The following PRKN variants were observed in gnomAD, a reference collection of about 807,000 sequenced individuals.
PRKN encodes parkin RBR E3 ubiquitin protein ligase.
Under a neutral mutation model 59.5 loss-of-function variants are expected in PRKN, and 56 were observed. That is an observed-to-expected ratio of 0.94 (90% CI 0.76 to 1.18). PRKN has a LOEUF of 1.18. PRKN is among the 50% of genes most tolerant of loss of function. The pLI is 0.00. For missense variants in PRKN, 657 were observed against 596.4 expected (o/e 1.10, Z -1.06); for synonymous variants, 250 against 222.1 (o/e 1.13, Z -1.12).
At chr6:162,458,255 CAAAAAA>C (rs34337589) in intron 1 of PRKN, among the ~76,000 whole-genome samples, 1 of 65,574 alleles carries the variant, frequency 1.5e-5, no homozygotes, top group African/African-American at 6.3e-5. Flanking sequence ...GACTCTATCT[CAAAAAA>C]AAAAAAAAAA....
At chr6:162,384,565 G>A (rs1786678886) in intron 2 of PRKN, among the ~76,000 whole-genome samples, 1 of 149,298 alleles carries the variant, frequency 6.7e-6, no homozygotes, top group South Asian at 2.2e-4. Context: ...AAATGATAGA[G>A]ATAGAGTGAG....
intron 4 of PRKN, among the ~76,000 whole-genome samples, chr6:162,105,906 G>C (rs1780173957): frequency 6.6e-6 from 1 of 152,128 alleles, no homozygotes; most frequent in East Asian, 1.9e-4. Flanking sequence ...ATTAGTACAG[G>C]CTGAGAAACA....
intron 2 of PRKN, among the ~76,000 whole-genome samples, chr6:162,306,251 G>A (rs1050088431): frequency 6.6e-6 from 1 of 152,094 alleles, no homozygotes; most frequent in African/African-American, 2.4e-5. Context: ...TGAGGGTGTC[G>A]GGTAATTTGG....
At chr6:161,822,066 A>C (rs1393601573) in intron 6 of PRKN, among the ~76,000 whole-genome samples, 1 of 151,920 alleles carries the variant, frequency 6.6e-6, no homozygotes, top group Non-Finnish European at 1.5e-5. Flanking sequence ...TGACATTTCT[A>C]TTGATAATGG....
chr6:162,114,294 A>G (rs1357183297), intron 4 of PRKN, among the ~76,000 whole-genome samples: 1 of 151,850 alleles, frequency 6.6e-6, no homozygotes, highest in East Asian at 1.9e-4. Context: ...GAATCTGTAA[A>G]TTACCTTGGG....
At chr6:161,822,299 A>G (rs1381931566) in intron 6 of PRKN, among the ~76,000 whole-genome samples, 1 of 152,238 alleles carries the variant, frequency 6.6e-6, no homozygotes, top group Non-Finnish European at 1.5e-5. Context: ...AAGTGATTTT[A>G]AAGGAAAAGT....
At chr6:161,931,626 T>C (rs6917764) in intron 6 of PRKN, among the ~76,000 whole-genome samples, 82,023 of 151,982 alleles carry the variant, frequency 0.54, 22,159 homozygotes, top group Middle Eastern at 0.66. Flanking sequence ...CAACAAAAAT[T>C]GTCCTGAGAA....
chr6:162,544,072 CT>C (rs1303911630), intron 1 of PRKN, among the ~76,000 whole-genome samples: 1 of 152,056 alleles, frequency 6.6e-6, no homozygotes, highest in Admixed American at 6.5e-5. Context: ...GGATTTGTAC[CT>C]TCTGTGAATG....
At chr6:162,710,295 C>T (rs936456366) in intron 1 of PRKN, among the ~76,000 whole-genome samples, 2 of 150,978 alleles carry the variant, frequency 1.3e-5, no homozygotes, top group Non-Finnish European at 2.9e-5. Flanking sequence ...AACTCAGCTG[C>T]TTTAAGGAGA....
intron 1 of PRKN, among the ~76,000 whole-genome samples, chr6:162,581,448 T>A (rs13204013): frequency 0.1 from 15,586 of 152,292 alleles, 942 homozygotes; most frequent in Middle Eastern, 0.19. Flanking sequence ...AATTTGTAGA[T>A]CTTCATATAC....
rs1313114908 is a variant in PRKN at position 162,320,450 on chromosome 6, G to A, written c.172-57685C>T. 5.3e-4 allele frequency among the ~76,000 whole-genome samples: 21 copies of A among 39,620 alleles called. No individual in the cohort carries two copies. The South Asian group carries it at 5.5e-3, about 10-fold the overall frequency. The allele number at this position is 39,620 out of a possible 152,430, so 26.0% of individuals were successfully genotyped here. A position where few individuals can be genotyped will look rare whatever the true frequency, so the allele number is the denominator to read the frequency against. On this transcript the variant is annotated intron_variant, in intron 2 of 11. Transcript: ENST00000366898. ...AAAAAAAAACCCCACAAAATTTCAA[G>A]ATACTTCACCAAAAAAAAAAATATA...
At position 162,011,601 on chromosome 6, in the gene PRKN, T is replaced by C. The variant is rs933083042; in HGVS notation, c.619-38184A>G. ...TCTATTTTACTTTGTTTTGCAGTGC[T>C]ATGAATAATTGACAGATGACTAAAA... is the stretch of plus-strand genomic sequence containing the variant. On this transcript the variant is annotated intron_variant, in intron 5 of 11. Coordinates refer to ENST00000366898, the MANE Select transcript of PRKN (RefSeq NM_004562.3). 4.1e-5 allele frequency among the ~76,000 whole-genome samples: 6 copies of C among 144,594 alleles called. No individual in the cohort carries two copies. The East Asian group carries it at 1.2e-3, about 29-fold the overall frequency. The allele number at this position is 144,594 out of a possible 152,430, so 94.9% of individuals were successfully genotyped here. A position where few individuals can be genotyped will look rare whatever the true frequency, so the allele number is the denominator to read the frequency against.
chr6:161,953,297 G>C (rs981656493), intron 6 of PRKN, among the ~76,000 whole-genome samples: 1 of 152,034 alleles, frequency 6.6e-6, no homozygotes, highest in Non-Finnish European at 1.5e-5. Context: ...TTTTAATAAA[G>C]ACGGGGTTTC....
At chr6:161,954,599 G>T (rs1026298138) in intron 6 of PRKN, among the ~76,000 whole-genome samples, 8 of 152,116 alleles carry the variant, frequency 5.3e-5, no homozygotes, top group Admixed American at 2.0e-4. Context: ...GTTTTATTAA[G>T]GAACTGCAAA....
At chr6:162,518,193 T>G (rs1199447352) in intron 1 of PRKN, among the ~76,000 whole-genome samples, 1 of 152,160 alleles carries the variant, frequency 6.6e-6, no homozygotes, top group Non-Finnish European at 1.5e-5. Flanking sequence ...ACATAAAAAT[T>G]ACAAGAATTT....
chr6:162,697,947 G>A (rs1778025393), intron 1 of PRKN, among the ~76,000 whole-genome samples: 3 of 152,130 alleles, frequency 2.0e-5, no homozygotes, highest in Non-Finnish European at 4.4e-5. Flanking sequence ...GACCTCAGGA[G>A]GTATGGAGAA....
At chr6:162,218,308 C>T (rs1777786930) in intron 3 of PRKN, among the ~76,000 whole-genome samples, 1 of 152,154 alleles carries the variant, frequency 6.6e-6, no homozygotes, top group South Asian at 2.1e-4. Context: ...TGTGTTCCTG[C>T]TGAGAGAGGC....
At chr6:162,350,368 A>G (rs1784574540) in intron 2 of PRKN, among the ~76,000 whole-genome samples, 2 of 152,220 alleles carry the variant, frequency 1.3e-5, no homozygotes, top group African/African-American at 4.8e-5. Context: ...TCTAAATTTT[A>G]TAGAGTAACA....
chr6:161,580,098 C>T (rs1781278490), intron 7 of PRKN, among the ~76,000 whole-genome samples: 1 of 152,178 alleles, frequency 6.6e-6, no homozygotes, highest in African/African-American at 2.4e-5. Flanking sequence ...TAAAAGACAA[C>T]TAATAGCTTC....
Sources: allele counts gnomAD v4.1 joint callset (sites outside exome capture counted in the v4.1 genomes callset), GRCh38; gene constraint gnomAD v4.1.1; transcripts MANE v1.5; gene names NCBI Gene and HGNC (gene_info 2026-07-23, HGNC 2026-07-21).